PDE4B: variants seen among roughly 807,000 people sequenced by gnomAD.
PDE4B encodes 3',5'-cyclic-AMP phosphodiesterase 4B.
Under a neutral mutation model 82.2 loss-of-function variants are expected in PDE4B, and 20 were observed. The ratio of observed to expected loss-of-function variants is 0.24; its 90% CI spans 0.17 to 0.35. The LOEUF is 0.35. PDE4B is among the 10% of genes least tolerant of loss of function. The pLI is 1.00. For synonymous variants in PDE4B, 320 were observed against 318.9 expected (o/e 1.00, Z -0.04); for missense variants, 655 against 907.2 (o/e 0.72, Z 3.57).
chr1:65,860,541 T>C (rs1646442852), intron 1 of PDE4B, among the ~76,000 whole-genome samples: 1 of 152,246 alleles, frequency 6.6e-6, no homozygotes, highest in South Asian at 2.1e-4. Context: ...GAATGATATA[T>C]AATCCTTTGG....
At chr1:66,323,252 C>T (rs1234979026) in intron 7 of PDE4B, among the ~76,000 whole-genome samples, 3 of 152,022 alleles carry the variant, frequency 2.0e-5, no homozygotes, top group African/African-American at 7.2e-5. Flanking sequence ...CTGATGTTCC[C>T]CTTGCCTGGA....
At chr1:66,093,634 G>A (rs1299551498) in intron 3 of PDE4B, among the ~76,000 whole-genome samples, 1 of 151,972 alleles carries the variant, frequency 6.6e-6, no homozygotes, top group Admixed American at 6.6e-5. Flanking sequence ...TAACCAATAA[G>A]CTATACTAAG....
intron 3 of PDE4B, among the ~76,000 whole-genome samples, chr1:65,965,253 C>T (rs5002027): frequency 0.2 from 30,450 of 151,982 alleles, 3,702 homozygotes; most frequent in Admixed American, 0.27. Flanking sequence ...TCCTCCCCCC[C>T]CCATGGAAAA....
chr1:66,353,763 C>T (rs906168557), intron 8 of PDE4B, among the ~76,000 whole-genome samples: 1 of 151,934 alleles, frequency 6.6e-6, no homozygotes, highest in African/African-American at 2.4e-5. Context: ...CTCAACATGC[C>T]CTGGATTGCT....
intron 3 of PDE4B, among the ~76,000 whole-genome samples, chr1:66,022,096 T>A (rs1447124874): frequency 6.6e-6 from 1 of 152,236 alleles, no homozygotes; most frequent in Non-Finnish European, 1.5e-5. Context: ...AGTTCACTCG[T>A]GATTTGGCTC....
At chr1:66,199,059 T>G (rs531209547) in intron 3 of PDE4B, among the ~76,000 whole-genome samples, 3 of 151,610 alleles carry the variant, frequency 2.0e-5, no homozygotes, top group African/African-American at 7.3e-5. Flanking sequence ...TGAATAATGC[T>G]GCAATAAACA....
chr1:66,100,273 G>A (rs1216472107), intron 3 of PDE4B, among the ~76,000 whole-genome samples: 4 of 151,978 alleles, frequency 2.6e-5, no homozygotes, highest in African/African-American at 9.7e-5. Flanking sequence ...GGCTGGTCTC[G>A]AGCTCCTGAC....
rs765327650 is a variant in PDE4B at position 65,850,475 on chromosome 1, T to C, written c.-71+57227T>C. Among the ~76,000 whole-genome samples the C allele has an allele frequency of 2.1e-4, 32 of 152,150 alleles. 1 individual carries two copies. Among genetic ancestry groups the C allele is most frequent in the Admixed American group, 1.3e-4 (2 of 15,264 alleles). On this transcript the variant is annotated intron_variant, in intron 1 of 16. Transcript: ENST00000341517. Reference sequence around the variant, plus strand: ...AACAATGAAGTTATTGTAGTGAGTTTGATGCAATATCACTTTGTGGTTTTA... The same window carrying C: ...AACAATGAAGTTATTGTAGTGAGTTCGATGCAATATCACTTTGTGGTTTTA...
chr1:66,343,730 T>C (rs986147208), intron 8 of PDE4B, among the ~76,000 whole-genome samples: 2 of 152,264 alleles, frequency 1.3e-5, no homozygotes, highest in Non-Finnish European at 2.9e-5. Flanking sequence ...TTTAAAAAGC[T>C]GTCTGCAGTT....
intron 3 of PDE4B, among the ~76,000 whole-genome samples, chr1:66,209,591 T>G (rs1333671939): frequency 6.6e-6 from 1 of 152,208 alleles, no homozygotes; most frequent in Non-Finnish European, 1.5e-5. Flanking sequence ...TTGGTAAGAT[T>G]TGATTATGTA....
intron 3 of PDE4B, among the ~76,000 whole-genome samples, chr1:66,132,361 G>T (rs1645966803): frequency 6.6e-6 from 1 of 152,158 alleles, no homozygotes; most frequent in Admixed American, 6.5e-5. Flanking sequence ...TGAATTTTAG[G>T]TTTCTTTTTT....
intron 3 of PDE4B, among the ~76,000 whole-genome samples, chr1:66,134,244 C>T (rs1646010350): frequency 6.6e-6 from 1 of 152,176 alleles, no homozygotes. Context: ...ACAAAGCTGG[C>T]ACCATGGAGT....
intron 3 of PDE4B, among the ~76,000 whole-genome samples, chr1:66,195,369 A>G (rs992268117): frequency 6.6e-6 from 1 of 152,154 alleles, no homozygotes; most frequent in African/African-American, 2.4e-5. Context: ...ACATTGCTTC[A>G]TTTATTAACA....
intron 8 of PDE4B, among the ~76,000 whole-genome samples, chr1:66,342,786 G>T (rs1007903286): frequency 6.6e-6 from 1 of 151,882 alleles, no homozygotes; most frequent in East Asian, 1.9e-4. Flanking sequence ...GCTCACGCCT[G>T]TAATCCCAAA....
chr1:66,204,701 G>C (rs1384656932), intron 3 of PDE4B, among the ~76,000 whole-genome samples: 1 of 152,214 alleles, frequency 6.6e-6, no homozygotes, highest in Non-Finnish European at 1.5e-5. Flanking sequence ...TTGGAAAAGC[G>C]CAGAATTAGG....
chr1:66,338,803 G>A (rs1158224803), intron 8 of PDE4B, among the ~76,000 whole-genome samples: 2 of 152,076 alleles, frequency 1.3e-5, no homozygotes, highest in South Asian at 2.1e-4. Context: ...CGGATCACAA[G>A]GTCAGGATAT....
At chr1:66,367,509 A>G (rs1663336290) in intron 13 of PDE4B, 187 bp from the exon 14 acceptor site, 3 of 522,082 alleles carry the variant, frequency 5.7e-6, no homozygotes, top group Non-Finnish European at 1.0e-5. Context: ...CAGTAGAAGC[A>G]TTTTTTGCTT....
At chr1:66,371,014 A>C (rs1362581167) in intron 16 of PDE4B, among the ~76,000 whole-genome samples, 4 of 147,872 alleles carry the variant, frequency 2.7e-5, no homozygotes, top group African/African-American at 9.9e-5. Flanking sequence ...AAGAAGAAGA[A>C]TAAGAAAATA....
chr1:66,025,485 A>C lies in PDE4B; in HGVS notation c.281+106650A>C, dbSNP rs1276914057. Among the ~76,000 whole-genome samples, 3 of 152,298 alleles carry C rather than the reference A, an allele frequency of 2.0e-5. No homozygotes were observed. In the East Asian group the frequency reaches 5.8e-4, roughly 29 times the overall value. ...AAAAATAAATATTTTCCAGTAACAC[A>C]ATGATGCAGAGGCAAAATGTATGAA... is the stretch of plus-strand genomic sequence containing the variant. On this transcript the variant is annotated intron_variant, in intron 3 of 16. Transcript: ENST00000341517.
Sources: gnomAD v4.1 joint callset for allele counts (sites outside exome capture counted in the v4.1 genomes callset) on GRCh38, gnomAD v4.1.1 for gene constraint, MANE v1.5 for transcripts, NCBI Gene and HGNC (gene_info 2026-07-23, HGNC 2026-07-21) for gene names.